The following TRPC4 variants were observed in gnomAD, a reference collection of about 807,000 sequenced individuals.
TRPC4 encodes transient receptor potential cation channel subfamily C member 4, also known as short transient receptor potential channel 4.
In TRPC4, 49 loss-of-function variants were observed where a neutral mutation model predicts 99.4. The observed-to-expected ratio is 0.49, with a 90% CI of 0.39 to 0.63. The LOEUF is 0.63. Ranked by LOEUF, TRPC4 falls within the 20% of genes least tolerant of loss-of-function variation. The pLI is 0.00. For synonymous variants in TRPC4, 454 were observed against 425.9 expected (o/e 1.07, Z -0.81); for missense variants, 898 against 1,152.9 (o/e 0.78, Z 3.20).
At chr13:37,673,298 C>T (rs2138756233) in intron 5 of TRPC4, among the ~76,000 whole-genome samples, 2 of 152,146 alleles carry the variant, frequency 1.3e-5, no homozygotes, top group Middle Eastern at 6.8e-3. Flanking sequence ...TGGCTGCATC[C>T]AACTTCAGAC....
intron 7 of TRPC4, 39 bp downstream of exon 7, chr13:37,655,049 A>G: frequency 7.1e-7 from 1 of 1,416,332 alleles, no homozygotes; most frequent in Non-Finnish European, 9.4e-7. Flanking sequence ...AACACATTCT[A>G]GAGGAAACAT....
At chr13:37,648,409 A>G (rs1026606872) in intron 8 of TRPC4, among the ~76,000 whole-genome samples, 3 of 152,180 alleles carry the variant, frequency 2.0e-5, no homozygotes, top group Admixed American at 6.5e-5. Context: ...GACAGCATTG[A>G]TATTGATTGG....
intron 4 of TRPC4, among the ~76,000 whole-genome samples, chr13:37,689,902 AC>A (rs144288876): frequency 2.6e-3 from 394 of 152,310 alleles, no homozygotes; most frequent in African/African-American, 9.3e-3. Flanking sequence ...TTGTTGCCTT[AC>A]TTTTGTATCA....
chr13:37,657,341 G>A (rs537917382), intron 6 of TRPC4, among the ~76,000 whole-genome samples: 1 of 152,300 alleles, frequency 6.6e-6, no homozygotes, highest in South Asian at 2.1e-4. Flanking sequence ...AATTCAATCT[G>A]ACTCATTGGC....
At chr13:37,726,377 CTG>C (rs1353733402) in intron 3 of TRPC4, among the ~76,000 whole-genome samples, 1 of 151,936 alleles carries the variant, frequency 6.6e-6, no homozygotes, top group African/African-American at 2.4e-5. Context: ...TAAAAAGAAA[CTG>C]TATTTTTGTG....
chr13:37,777,097 T>C (rs780233890), intron 2 of TRPC4, among the ~76,000 whole-genome samples: 2 of 151,946 alleles, frequency 1.3e-5, no homozygotes, highest in Non-Finnish European at 2.9e-5. Flanking sequence ...AAATCTCCTA[T>C]ATGCACTGAG....
intron 1 of TRPC4, among the ~76,000 whole-genome samples, chr13:37,859,171 A>G (rs529134448): frequency 1.1e-4 from 16 of 151,616 alleles, no homozygotes; most frequent in Admixed American, 2.0e-4. Context: ...AGAGAGCTGT[A>G]AATAAAATAT....
chr13:37,747,121 C>T (rs569976509), intron 2 of TRPC4, among the ~76,000 whole-genome samples: 1 of 152,214 alleles, frequency 6.6e-6, no homozygotes, highest in East Asian at 1.9e-4. Context: ...GTCGAGTCAG[C>T]AGTGTGAATT....
intron 4 of TRPC4, among the ~76,000 whole-genome samples, chr13:37,685,997 C>T (rs1415610357): frequency 6.6e-6 from 1 of 151,954 alleles, no homozygotes; most frequent in Non-Finnish European, 1.5e-5. Flanking sequence ...ATTAAAATAT[C>T]CATTTTAAAT....
In TRPC4 at chr13:37,783,194, C is replaced by G; in HGVS notation, c.140G>C (p.Ser47Thr). 1 of 1,613,682 alleles carries G rather than the reference C, an allele frequency of 6.2e-7. No individual in the cohort carries two copies. Among genetic ancestry groups the G allele is most frequent in the South Asian group, 1.1e-5 (1 of 91,080 alleles). ...AGCTTCCTCTAGGGATTTCTTGACA[C>G]TGGCATAATCTCCCTTTTCCACAGC... ...LNAVEKGDYA[S>T]VKKSLEEAEI... is the part of the protein sequence containing the mutation. Residue 47 changes from serine to threonine, a missense_variant, in exon 2 of 11, where the codon AGT becomes ACT. By Grantham distance (58) the Ser-to-Thr change is moderately conservative. Around this residue, in one of 3 missense-constraint regions of TRPC4, gnomAD observed 278 missense variants for 346.6 expected, o/e 0.80. Transcript: ENST00000379705.
At chr13:37,794,173 T>A (rs778517776) in intron 1 of TRPC4, among the ~76,000 whole-genome samples, 3 of 149,542 alleles carry the variant, frequency 2.0e-5, no homozygotes, top group Non-Finnish European at 4.4e-5. Context: ...ACTACAGTTA[T>A]AATTAAGAAA....
chr13:37,852,882 G>A (rs962091950), intron 1 of TRPC4, among the ~76,000 whole-genome samples: 1 of 152,170 alleles, frequency 6.6e-6, no homozygotes, highest in African/African-American at 2.4e-5. Flanking sequence ...CTTTGCCTGT[G>A]AAAAGGAGAA....
chr13:37,638,999 C>G, intron 10 of TRPC4, 41 bp downstream of exon 10: 6 of 1,594,550 alleles, frequency 3.8e-6, no homozygotes, highest in Non-Finnish European at 5.2e-6. Flanking sequence ...GATCCATATT[C>G]TGCACAATCT....
At chr13:37,710,866 A>G (rs1374000512) in intron 3 of TRPC4, among the ~76,000 whole-genome samples, 2 of 151,926 alleles carry the variant, frequency 1.3e-5, no homozygotes, top group African/African-American at 4.8e-5. Flanking sequence ...ATGGAAAGAT[A>G]GACTATTGCT....
At chr13:37,801,990 GA>G in intron 1 of TRPC4, among the ~76,000 whole-genome samples, 1 of 152,102 alleles carries the variant, frequency 6.6e-6, no homozygotes, top group East Asian at 1.9e-4. Context: ...AATCAATGAA[GA>G]TAATTCTATA....
intron 1 of TRPC4, among the ~76,000 whole-genome samples, chr13:37,868,593 C>T (rs1048742114): frequency 6.6e-5 from 10 of 151,370 alleles, no homozygotes; most frequent in African/African-American, 2.2e-4. Flanking sequence ...CTCTGAGAGG[C>T]GGTGTTTTAT....
chr13:37,721,917 G>T (rs1954883400), intron 3 of TRPC4, among the ~76,000 whole-genome samples: 2 of 152,066 alleles, frequency 1.3e-5, no homozygotes, highest in South Asian at 4.2e-4. Flanking sequence ...GATGACAGGT[G>T]TGAGCCACCA....
intron 8 of TRPC4, among the ~76,000 whole-genome samples, chr13:37,646,926 C>T (rs9603242): frequency 0.15 from 23,260 of 152,234 alleles, 2,019 homozygotes; most frequent in Middle Eastern, 0.26. Context: ...AAATGTTGTG[C>T]TCAATAATAC....
At chr13:37,645,822 C>G (rs1348849587) in intron 8 of TRPC4, among the ~76,000 whole-genome samples, 1 of 152,148 alleles carries the variant, frequency 6.6e-6, no homozygotes, top group African/African-American at 2.4e-5. Flanking sequence ...TATTGTCAAA[C>G]CAAATATTCA....
Sources: gnomAD v4.1 joint callset for allele counts (sites outside exome capture counted in the v4.1 genomes callset) on GRCh38, gnomAD v4.1.1 for gene constraint, gnomAD v4.1.1 regional missense constraint, MANE v1.5 for transcripts, NCBI Gene and HGNC (gene_info 2026-07-23, HGNC 2026-07-21) for gene names.